Variants in SHC4 observed in about 807,000 individuals in gnomAD.
SHC4 encodes the protein SHC-transforming protein 4.
SHC4 carries 41 observed loss-of-function variants against 69.4 expected under a neutral mutation model. That is an observed-to-expected ratio of 0.59 (90% CI 0.46 to 0.77). SHC4 has a LOEUF of 0.77. SHC4 is among the 30% of genes least tolerant of loss of function. The pLI is 0.00. For synonymous variants in SHC4, 318 were observed against 299.3 expected (o/e 1.06, Z -0.64); for missense variants, 777 against 783.8 (o/e 0.99, Z 0.10).
chr15:48,864,764 A>G (rs570352424), intron 6 of SHC4, among the ~76,000 whole-genome samples: 27 of 152,218 alleles, frequency 1.8e-4, no homozygotes, highest in African/African-American at 6.0e-4. Context: ...CCACTTTTAA[A>G]GACACAACTG....
At chr15:48,857,663 G>T (rs765302493) in intron 7 of SHC4, 29 bp downstream of exon 7, 1 of 1,565,146 alleles carries the variant, frequency 6.4e-7, no homozygotes, top group Admixed American at 1.8e-5. Context: ...TATATATATT[G>T]TCAAATTATT....
At chr15:48,893,059 C>T (rs985130015) in intron 2 of SHC4, among the ~76,000 whole-genome samples, 2 of 152,058 alleles carry the variant, frequency 1.3e-5, no homozygotes, top group Non-Finnish European at 2.9e-5. Flanking sequence ...TTTTCCCACA[C>T]GTTTGTTTTC....
chr15:48,911,891 A>C (rs936173906), intron 2 of SHC4, among the ~76,000 whole-genome samples: 5 of 152,204 alleles, frequency 3.3e-5, no homozygotes, highest in South Asian at 2.1e-4. Flanking sequence ...ATTGGCTGAT[A>C]ATTGTTTTGT....
intron 1 of SHC4, among the ~76,000 whole-genome samples, chr15:48,939,336 G>T (rs918700081): frequency 6.6e-6 from 1 of 152,196 alleles, no homozygotes; most frequent in African/African-American, 2.4e-5. Flanking sequence ...AGTTATGAAG[G>T]GCAGGCAATG....
At chr15:48,868,113 G>A (rs1595738321) in intron 5 of SHC4, among the ~76,000 whole-genome samples, 1 of 152,314 alleles carries the variant, frequency 6.6e-6, no homozygotes, top group Non-Finnish European at 1.5e-5. Context: ...GAGGCAGACT[G>A]TCATTAAGAA....
At chr15:48,839,111 G>T (rs552108883) in intron 10 of SHC4, among the ~76,000 whole-genome samples, 10 of 152,230 alleles carry the variant, frequency 6.6e-5, no homozygotes, top group African/African-American at 2.4e-4. Flanking sequence ...AAAGAGGACT[G>T]ATCAAGTAAA....
chr15:48,843,711 A>G (rs1323067706), intron 9 of SHC4, 123 bp from the exon 10 acceptor site: 1 of 849,404 alleles, frequency 1.2e-6, no homozygotes, highest in Non-Finnish European at 1.7e-6. Flanking sequence ...CAATGATTGA[A>G]CACTTAACTT....
At chr15:48,952,120 G>C (rs1468494776) in intron 1 of SHC4, among the ~76,000 whole-genome samples, 2 of 152,070 alleles carry the variant, frequency 1.3e-5, no homozygotes, top group South Asian at 4.1e-4. Context: ...GGATGTGGGA[G>C]GCACAATGGC....
At chr15:48,912,186 G>C (rs1900519838) in intron 2 of SHC4, among the ~76,000 whole-genome samples, 1 of 152,072 alleles carries the variant, frequency 6.6e-6, no homozygotes, top group African/African-American at 2.4e-5. Flanking sequence ...TGTCTTCCAA[G>C]TTTTGGAATT....
intron 3 of SHC4, 122 bp from the exon 4 acceptor site, chr15:48,884,489 A>C (rs932052623): frequency 2.2e-5 from 18 of 820,698 alleles, no homozygotes; most frequent in Non-Finnish European, 3.1e-5. Flanking sequence ...ATTTTACTTT[A>C]TGTAAATCAA....
chr15:48,842,563 C>T (rs1899011825), intron 10 of SHC4, among the ~76,000 whole-genome samples: 1 of 152,158 alleles, frequency 6.6e-6, no homozygotes, highest in African/African-American at 2.4e-5. Context: ...AAAACTCAAT[C>T]CCTGAAAATC....
At chr15:48,922,293 G>A (rs919876070) in intron 2 of SHC4, among the ~76,000 whole-genome samples, 2 of 152,092 alleles carry the variant, frequency 1.3e-5, no homozygotes, top group African/African-American at 2.4e-5. Flanking sequence ...ATAAACATTC[G>A]AGTGAAAAAG....
At chr15:48,851,099 A>G in intron 9 of SHC4, 89 bp downstream of exon 9, 1 of 1,290,618 alleles carries the variant, frequency 7.7e-7, no homozygotes, top group Non-Finnish European at 1.1e-6. Flanking sequence ...TGACTTTTCA[A>G]TGAAGTATTT....
intron 9 of SHC4, among the ~76,000 whole-genome samples, chr15:48,846,336 G>C (rs1335783976): frequency 6.6e-6 from 1 of 152,062 alleles, no homozygotes; most frequent in Non-Finnish European, 1.5e-5. Flanking sequence ...AAATAATGTT[G>C]GTGAGACACT....
At chr15:48,923,544 C>CAAAAAAAA (rs3075016) in intron 2 of SHC4, among the ~76,000 whole-genome samples, 1 of 93,012 alleles carries the variant, frequency 1.1e-5, no homozygotes, top group African/African-American at 4.3e-5. Context: ...GACTCTGTCT[C>CAAAAAAAA]AAAAAAAAAA....
At chr15:48,878,248 C>A (rs370992223) in intron 4 of SHC4, 35 of 1,611,062 alleles carry the variant, frequency 2.2e-5, no homozygotes, top group Non-Finnish European at 2.8e-5. Context: ...TGATGCCTGG[C>A]GAGGGTGACC....
chr15:48,830,098 G>C (rs1199484605), intron 11 of SHC4, among the ~76,000 whole-genome samples: 2 of 152,044 alleles, frequency 1.3e-5, no homozygotes, highest in Non-Finnish European at 1.5e-5. Flanking sequence ...CTGTCTTAAA[G>C]CTTTTTTTGG....
At chr15:48,893,894 G>A (rs1278131772) in intron 2 of SHC4, among the ~76,000 whole-genome samples, 1 of 152,206 alleles carries the variant, frequency 6.6e-6, no homozygotes, top group Non-Finnish European at 1.5e-5. Flanking sequence ...GAGCCCAGGA[G>A]TTCAAGGCTG....
chr15:48,920,671 C>A lies in SHC4; in HGVS notation c.656+4208G>T, dbSNP rs1020480619. ...TGCAGAGCCATCCAGCAATACATAT[C>A]AAAAGCCTTTAAAACATTTATATTG... On this transcript the variant is annotated intron_variant, in intron 2 of 11. Transcript: ENST00000332408. Among the ~76,000 whole-genome samples, 2 of 152,138 alleles carry A rather than the reference C, an allele frequency of 1.3e-5. 1 individual carries two copies. Among genetic ancestry groups the A allele is most frequent in the African/African-American group, 4.8e-5 (2 of 41,418 alleles).
Sources: allele counts gnomAD v4.1 joint callset (sites outside exome capture counted in the v4.1 genomes callset), GRCh38; gene constraint gnomAD v4.1.1; transcripts MANE v1.5; gene names NCBI Gene and HGNC (gene_info 2026-07-23, HGNC 2026-07-21).